MGAT4C: variants seen among roughly 807,000 people sequenced by gnomAD.
MGAT4C encodes the protein alpha-1,3-mannosyl-glycoprotein 4-beta-N-acetylglucosaminyltransferase C.
A neutral mutation model predicts 40.1 loss-of-function variants in MGAT4C; 19 were observed. The observed-to-expected ratio is 0.47, with a 90% confidence interval of 0.33 to 0.70. The LOEUF (loss-of-function observed/expected upper bound fraction) is 0.70, where lower values mean the gene tolerates loss of function less well. MGAT4C is among the 30% of genes least tolerant of loss of function. The pLI is 0.02. For synonymous variants in MGAT4C, 181 were observed against 187.1 expected (o/e 0.97, Z 0.27); for missense variants, 491 against 563.2 (o/e 0.87, Z 1.30).
At chr12:86,352,612 A>G (rs1277353551) in intron 3 of MGAT4C, among the ~76,000 whole-genome samples, 1 of 152,146 alleles carries the variant, frequency 6.6e-6, no homozygotes, top group African/African-American at 2.4e-5. Flanking sequence ...CATTACATAG[A>G]TACATTATAC....
chr12:86,636,043 A>G (rs1963210621), intron 2 of MGAT4C, among the ~76,000 whole-genome samples: 1 of 151,970 alleles, frequency 6.6e-6, no homozygotes, highest in Non-Finnish European at 1.5e-5. Context: ...ACAATTGCCT[A>G]CAGTATTCAG....
intron 1 of MGAT4C, among the ~76,000 whole-genome samples, chr12:86,147,962 T>G (rs913200159): frequency 2.0e-5 from 3 of 152,134 alleles, no homozygotes; most frequent in African/African-American, 7.2e-5. Flanking sequence ...CCTCTTGATT[T>G]CAGAACAAAA....
chr12:86,343,937 A>G (rs954107137), intron 3 of MGAT4C, among the ~76,000 whole-genome samples: 2 of 151,934 alleles, frequency 1.3e-5, no homozygotes, highest in African/African-American at 4.8e-5. Context: ...CCATTCTTTC[A>G]CACCAAACAA....
At chr12:86,278,458 C>T (rs1217449118) in intron 4 of MGAT4C, among the ~76,000 whole-genome samples, 3 of 152,120 alleles carry the variant, frequency 2.0e-5, no homozygotes, top group South Asian at 4.2e-4. Flanking sequence ...GGATTACAGG[C>T]GTGAGCCACC....
rs796107703 is a variant in MGAT4C at position 86,712,945 on chromosome 12, T to G, written c.-229+14264A>C. On this transcript the variant is annotated intron_variant, in intron 2 of 7. Transcript: ENST00000548651. ...AGTAATAAGCATTGATAAAATCATT[T>G]CATGGATAGAAATTTTGTTAAAAGT... is the stretch of plus-strand genomic sequence containing the variant. Among the ~76,000 whole-genome samples the G allele has an allele frequency of 3.9e-5, 6 of 152,274 alleles. 1 individual carries two copies. Among genetic ancestry groups the G allele is most frequent in the African/African-American group, 1.4e-4 (6 of 41,576 alleles).
intron 3 of MGAT4C, among the ~76,000 whole-genome samples, chr12:85,987,268 C>G (rs1410854384): frequency 6.7e-6 from 1 of 149,128 alleles, no homozygotes; most frequent in African/African-American, 2.4e-5. Flanking sequence ...TCCCAAGTAG[C>G]TGGGGCTACA....
intron 1 of MGAT4C, among the ~76,000 whole-genome samples, chr12:86,833,742 TTCTG>T (rs1338698621): frequency 1.3e-5 from 2 of 152,082 alleles, no homozygotes; most frequent in Middle Eastern, 3.4e-3. Flanking sequence ...AAACCACATT[TTCTG>T]TCTGTTTTTT....
At chr12:86,515,996 G>A (rs1363644419) in intron 2 of MGAT4C, among the ~76,000 whole-genome samples, 2 of 151,586 alleles carry the variant, frequency 1.3e-5, no homozygotes, top group Non-Finnish European at 2.9e-5. Context: ...CGCCCACCTC[G>A]ACCTCCCAAA....
intron 3 of MGAT4C, among the ~76,000 whole-genome samples, chr12:86,369,040 T>C (rs918969712): frequency 6.6e-6 from 1 of 152,052 alleles, no homozygotes; most frequent in Non-Finnish European, 1.5e-5. Flanking sequence ...TCTATTGAGA[T>C]ACTTTGATGT....
chr12:86,234,377 T>C (rs1246812381), intron 1 of MGAT4C, among the ~76,000 whole-genome samples: 1 of 152,192 alleles, frequency 6.6e-6, no homozygotes, highest in East Asian at 1.9e-4. Flanking sequence ...CAGTCCTTTA[T>C]GTCATGTGGA....
At chr12:86,381,337 A>G (rs916598850) in intron 3 of MGAT4C, among the ~76,000 whole-genome samples, 2 of 152,164 alleles carry the variant, frequency 1.3e-5, no homozygotes, top group Non-Finnish European at 2.9e-5. Flanking sequence ...GAAAGTTCCA[A>G]TGTTTTCACA....
chr12:86,229,437 C>A (rs1448202475), intron 1 of MGAT4C, among the ~76,000 whole-genome samples: 3 of 151,878 alleles, frequency 2.0e-5, no homozygotes, highest in Non-Finnish European at 2.9e-5. Flanking sequence ...TGGACAAAGG[C>A]ATGTGATCCA....
At chr12:86,426,669 C>T (rs1232217035) in intron 3 of MGAT4C, among the ~76,000 whole-genome samples, 2 of 152,044 alleles carry the variant, frequency 1.3e-5, no homozygotes, top group South Asian at 2.1e-4. Flanking sequence ...AGAGAAGGGC[C>T]GGGCGTGGTG....
intron 1 of MGAT4C, among the ~76,000 whole-genome samples, chr12:86,068,802 C>T (rs1460567009): frequency 6.6e-6 from 1 of 152,036 alleles, no homozygotes; most frequent in Admixed American, 6.6e-5. Flanking sequence ...TGCCCTGTCC[C>T]CTTTTACCTG....
At chr12:86,146,253 C>T (rs1384893893) in intron 1 of MGAT4C, among the ~76,000 whole-genome samples, 4 of 151,986 alleles carry the variant, frequency 2.6e-5, no homozygotes, top group Non-Finnish European at 4.4e-5. Flanking sequence ...TTATGGCTGG[C>T]GGGTTATTCT....
intron 1 of MGAT4C, among the ~76,000 whole-genome samples, chr12:86,728,312 A>G (rs1950856329): frequency 6.6e-6 from 1 of 152,194 alleles, no homozygotes; most frequent in Non-Finnish European, 1.5e-5. Flanking sequence ...TTGAGTCTAC[A>G]TGCCTGTCTT....
At chr12:86,345,851 CTAGTT>C (rs1186549837) in intron 3 of MGAT4C, among the ~76,000 whole-genome samples, 7 of 152,178 alleles carry the variant, frequency 4.6e-5, no homozygotes, top group Non-Finnish European at 8.8e-5. Flanking sequence ...AATGGTTGAA[CTAGTT>C]TAAAGTCCCA....
At chr12:86,694,248 T>C (rs1408676338) in intron 2 of MGAT4C, among the ~76,000 whole-genome samples, 3 of 152,200 alleles carry the variant, frequency 2.0e-5, no homozygotes, top group Non-Finnish European at 4.4e-5. Flanking sequence ...TGTAAGCTAG[T>C]CGTTTTTCTT....
intron 4 of MGAT4C, among the ~76,000 whole-genome samples, chr12:86,284,516 T>C (rs1184024327): frequency 1.3e-5 from 2 of 151,918 alleles, no homozygotes; most frequent in Non-Finnish European, 2.9e-5. Flanking sequence ...ACAAATCATA[T>C]ATCCCTGGTG....
Sources: allele counts gnomAD v4.1 joint callset (sites outside exome capture counted in the v4.1 genomes callset), GRCh38; gene constraint gnomAD v4.1.1; transcripts MANE v1.5; gene names NCBI Gene and HGNC (gene_info 2026-07-23, HGNC 2026-07-21).